CCDC7: variants seen among roughly 807,000 people sequenced by gnomAD.
CCDC7 encodes the protein coiled-coil domain-containing protein 7.
A neutral mutation model predicts 196.9 loss-of-function variants in CCDC7; 183 were observed. That is an observed-to-expected ratio of 0.93 (90% CI 0.82 to 1.05). The LOEUF (loss-of-function observed/expected upper bound fraction) is 1.05, where lower values mean the gene tolerates loss of function less well. Among genes scored for constraint, CCDC7 ranks in the 50% least tolerant of loss-of-function variants. CCDC7 has a pLI of 0.00. For missense variants in CCDC7, 1,540 were observed against 1,482.2 expected, an observed-to-expected ratio of 1.04 and a Z score of -0.64; for synonymous variants, 525 against 484.6, an observed-to-expected ratio of 1.08 and a Z score of -1.10.
chr10:32,629,253 T>C (rs757576024), intron 18 of CCDC7, among the ~76,000 whole-genome samples: 4 of 152,178 alleles, frequency 2.6e-5, no homozygotes, highest in Non-Finnish European at 4.4e-5. Context: ...CATAGTATGC[T>C]TCTTTGTCCC....
At chr10:32,831,469 A>T (rs1279101666) in intron 32 of CCDC7, among the ~76,000 whole-genome samples, 2 of 152,156 alleles carry the variant, frequency 1.3e-5, no homozygotes, top group African/African-American at 4.8e-5. Context: ...TTTAACTATA[A>T]ACTTTTATTT....
At chr10:32,749,377 TC>T (rs1197544567) in intron 28 of CCDC7, among the ~76,000 whole-genome samples, 1 of 152,190 alleles carries the variant, frequency 6.6e-6, no homozygotes, top group African/African-American at 2.4e-5. Context: ...ATAGCATCCT[TC>T]CATTTGTGTC....
intron 10 of CCDC7, among the ~76,000 whole-genome samples, 153 bp downstream of exon 11, chr10:32,518,128 C>G (rs984603302): frequency 6.6e-6 from 1 of 152,100 alleles, no homozygotes; most frequent in Non-Finnish European, 1.5e-5. Context: ...TTCTGGAAAG[C>G]CTTGTCTATT....
Position 32,738,208 on chromosome 10 carries a change from T to C in CCDC7, c.2905+8751T>C, listed in dbSNP as rs184020019. Among the ~76,000 whole-genome samples, 23 of 152,272 alleles carry C rather than the reference T, an allele frequency of 1.5e-4. No homozygotes were observed. The East Asian group carries it at 4.0e-3, about 27-fold the overall frequency. On this transcript the variant is annotated intron_variant, in intron 28 of 41. Transcript: ENST00000639629. ...CAATTACATTTCCTAAAATTTTGTA[T>C]AGTGGTTTCCTTAGAATTTACAATG...
chr10:32,663,276 C>G (rs1325096081), intron 20 of CCDC7, among the ~76,000 whole-genome samples: 1 of 152,108 alleles, frequency 6.6e-6, no homozygotes, highest in Non-Finnish European at 1.5e-5. Context: ...ACTTTTTCAT[C>G]ACACATGGAA....
chr10:32,754,628 T>G (rs916963220), intron 28 of CCDC7, among the ~76,000 whole-genome samples: 10 of 152,154 alleles, frequency 6.6e-5, no homozygotes, highest in Non-Finnish European at 1.5e-4. Context: ...AAAAGCTGCA[T>G]TATAAAATAA....
At chr10:32,600,981 A>C (rs1268394993) in intron 18 of CCDC7, among the ~76,000 whole-genome samples, 1 of 152,108 alleles carries the variant, frequency 6.6e-6, no homozygotes, top group Non-Finnish European at 1.5e-5. Context: ...TTTGCCAGGT[A>C]TAGAATTCTT....
chr10:32,469,594 C>T (rs1456535597), intron 5 of CCDC7, among the ~76,000 whole-genome samples: 1 of 152,152 alleles, frequency 6.6e-6, no homozygotes, highest in African/African-American at 2.4e-5. Context: ...AAGCTGTTCA[C>T]AAGGGTGATA....
chr10:32,569,050 G>A (rs2057240045), intron 15 of CCDC7, among the ~76,000 whole-genome samples: 1 of 152,168 alleles, frequency 6.6e-6, no homozygotes, highest in Non-Finnish European at 1.5e-5. Flanking sequence ...AACCTGAGCA[G>A]AACAGTAACT....
rs550115559 is a variant in CCDC7 at position 32,712,288 on chromosome 10, T to C, written c.2569+558T>C. Among the ~76,000 whole-genome samples, 7 of 152,160 alleles carry C rather than the reference T, an allele frequency of 4.6e-5. No homozygotes were observed. In the East Asian group the frequency reaches 1.4e-3, roughly 29 times the overall value. ...GAATGGTCCCATTTATTGCTCACAT[T>C]ATTTTTACTTTTCGAGTCAGAGCTG... On this transcript the variant is annotated intron_variant, in intron 25 of 41. Transcript: ENST00000639629.
intron 18 of CCDC7, among the ~76,000 whole-genome samples, chr10:32,607,980 A>T (rs372727577): frequency 1.3e-5 from 2 of 151,984 alleles, no homozygotes; most frequent in African/African-American, 4.8e-5. Context: ...TACTGATTTA[A>T]TTTTATTACT....
At chr10:32,443,487 T>C (rs2030460849), upstream of CCDC7, among the ~76,000 whole-genome samples, 1 of 152,200 alleles carries the variant, frequency 6.6e-6, no homozygotes, top group Non-Finnish European at 1.5e-5. Flanking sequence ...TTAAATTAAC[T>C]TTCAGGTATG....
chr10:32,739,085 T>G (rs2085376282), intron 28 of CCDC7, among the ~76,000 whole-genome samples: 1 of 152,160 alleles, frequency 6.6e-6, no homozygotes, highest in Non-Finnish European at 1.5e-5. Flanking sequence ...TGATTTTCTG[T>G]AGTTTGAGTA....
chr10:32,760,586 G>A (rs977283920), intron 28 of CCDC7, among the ~76,000 whole-genome samples: 9 of 151,922 alleles, frequency 5.9e-5, no homozygotes, highest in Non-Finnish European at 1.3e-4. Flanking sequence ...CACACACTGG[G>A]GCCTGTTGTG....
At chr10:32,745,522 A>G (rs1268392346) in intron 28 of CCDC7, among the ~76,000 whole-genome samples, 1 of 152,136 alleles carries the variant, frequency 6.6e-6, no homozygotes, top group African/African-American at 2.4e-5. Context: ...AATCAGATCT[A>G]TAGGAAACTA....
chr10:32,457,390 AT>A (rs1479952423), intron 3 of CCDC7, among the ~76,000 whole-genome samples: 1 of 152,170 alleles, frequency 6.6e-6, no homozygotes, highest in Admixed American at 6.5e-5. Context: ...ATAGTAGTCC[AT>A]TCCCCCTATA....
At chr10:32,507,632 G>A (rs1329605982) in intron 9 of CCDC7, among the ~76,000 whole-genome samples, 1 of 151,940 alleles carries the variant, frequency 6.6e-6, no homozygotes, top group East Asian at 1.9e-4. Context: ...TGTATTTTTA[G>A]TAGAGATGCA....
chr10:32,488,093 C>T (rs941577790), intron 8 of CCDC7, among the ~76,000 whole-genome samples: 3 of 152,192 alleles, frequency 2.0e-5, no homozygotes, highest in East Asian at 1.9e-4. Flanking sequence ...GTGGAGTCTA[C>T]AGAGGCAGAC....
chr10:32,685,984 C>T, exon 22 of CCDC7: 1 of 1,565,110 alleles, frequency 6.4e-7, no homozygotes, highest in East Asian at 2.3e-5. Context: ...TAATGAAGTA[C>T]CAAATGAAAG....
Sources: allele counts gnomAD v4.1 joint callset (sites outside exome capture counted in the v4.1 genomes callset), GRCh38; gene constraint gnomAD v4.1.1; transcripts MANE v1.5; gene names NCBI Gene and HGNC (gene_info 2026-07-23, HGNC 2026-07-21).